LMTK3: variants seen among roughly 807,000 people sequenced by gnomAD.
LMTK3 encodes the protein serine/threonine-protein kinase LMTK3.
A neutral mutation model predicts 116.7 loss-of-function variants in LMTK3; 27 were observed. That is an observed-to-expected ratio of 0.23 (90% CI 0.17 to 0.32). The LOEUF is 0.32. Ranked by LOEUF, LMTK3 falls within the 10% of genes least tolerant of loss-of-function variation. The pLI, the probability that LMTK3 is intolerant of heterozygous loss-of-function variation, is 1.00. For missense variants in LMTK3, 1,764 were observed against 2,068.5 expected (o/e 0.85, Z 2.86); for synonymous variants, 965 against 971.0 (o/e 0.99, Z 0.11).
chr19:48,489,217 C>T (rs566235177), intron 14 of LMTK3, among the ~76,000 whole-genome samples: 2 of 152,192 alleles, frequency 1.3e-5, no homozygotes, highest in South Asian at 4.1e-4. Flanking sequence ...AGCATGGCGC[C>T]TGCACGCAGA....
intron 5 of LMTK3, among the ~76,000 whole-genome samples, chr19:48,503,382 G>A (rs995713532): frequency 7.2e-5 from 11 of 151,842 alleles, no homozygotes; most frequent in South Asian, 6.2e-4. Flanking sequence ...TCCTCACCTC[G>A]GAGTCTCTCT....
In LMTK3 at chr19:48,491,274, G is replaced by C. The variant is rs543994543; in HGVS notation, c.4229-29C>G. On this transcript the variant is annotated intron_variant, in intron 13 of 14. Transcript: ENST00000600059. This position sits in a 1 kb window ranked among gnomAD's most constrained non-coding sequence, Gnocchi z 5.1. ...CGGCAGAAGGAAAGACCGCGGTCAG[G>C]CTGCAGACACCTGCGGCACTCCCGC... 2 of 1,382,994 alleles carry C rather than the reference G, an allele frequency of 1.4e-6. No homozygotes were observed. The highest frequency in any genetic ancestry group is 1.9e-6 in the Non-Finnish European group (2 of 1,066,190). 85.7% of individuals were successfully genotyped at this position (1,382,994 alleles called of 1,614,324 possible). A position where few individuals can be genotyped will look rare whatever the true frequency, so the allele number is the denominator to read the frequency against.
In LMTK3 at chr19:48,498,699, C is replaced by T. The variant is rs756346781; in HGVS notation, c.2370G>A (p.Pro790=). ...TCTCGGTCTCGTAGCCGCTGTCCCCCGGCTTGGGGCCCGGCGACGAGAGGC... is the reference window on the plus strand; with the variant it reads ...TCTCGGTCTCGTAGCCGCTGTCCCCTGGCTTGGGGCCCGGCGACGAGAGGC... ...GSGLSSPGPK[P]GDSGYETETP... The change falls in exon 11 of 15, where the codon CCG becomes CCA. Residue 790 remains proline (P), a synonymous_variant. Coordinates refer to ENST00000600059, the MANE Select transcript of LMTK3 (RefSeq NM_001388485.1). 4.6e-6 allele frequency: 7 copies of T among 1,531,552 alleles called. No homozygotes were observed. The East Asian group carries it at 1.2e-4, about 27-fold the overall frequency. The allele number at this position is 1,531,552 out of a possible 1,614,324, so 94.9% of individuals were successfully genotyped here. A position where few individuals can be genotyped will look rare whatever the true frequency, so the allele number is the denominator to read the frequency against.
chr19:48,492,336 G>A lies in LMTK3; in HGVS notation c.4093-797C>T, dbSNP rs188574988. Among the ~76,000 whole-genome samples the A allele has an allele frequency of 2.0e-4, 30 of 152,226 alleles. 2 individuals are homozygous for A. Among genetic ancestry groups the A allele is most frequent in the Admixed American group, 1.6e-3 (25 of 15,276 alleles). On this transcript the variant is annotated intron_variant, in intron 12 of 14. Coordinates refer to ENST00000600059, the MANE Select transcript of LMTK3 (RefSeq NM_001388485.1). Reference sequence around the variant, plus strand: ...CCTAAGTAGCTGGGACTACAGATGCGCACCACCACACCAAGATAATTTTTT... The same window carrying A: ...CCTAAGTAGCTGGGACTACAGATGCACACCACCACACCAAGATAATTTTTT...
chr19:48,499,976 A>C (rs1370567369), intron 10 of LMTK3, 59 bp from the exon 11 acceptor site: 2 of 1,483,926 alleles, frequency 1.3e-6, no homozygotes, highest in African/African-American at 2.8e-5. Context: ...AAAGAGACCC[A>C]GGGAGGGGAC....
chr19:48,485,839 C>T (rs756794974), intron 14 of LMTK3, 50 bp from the exon 15 acceptor site: 1 of 1,570,450 alleles, frequency 6.4e-7, no homozygotes, highest in East Asian at 2.3e-5. Context: ...GGGGGACAGC[C>T]TCATGGCTTC....
chr19:48,491,275 C>T lies in LMTK3; in HGVS notation c.4229-30G>A. ...GGCAGAAGGAAAGACCGCGGTCAGG[C>T]TGCAGACACCTGCGGCACTCCCGCC... On this transcript the variant is annotated intron_variant, in intron 13 of 14. Transcript: ENST00000600059. This position sits in a 1 kb window ranked among gnomAD's most constrained non-coding sequence, Gnocchi z 5.1. 1 of 1,376,788 alleles carries T rather than the reference C, an allele frequency of 7.3e-7. No individual in the cohort carries two copies. The highest frequency in any genetic ancestry group is 9.4e-7 in the Non-Finnish European group (1 of 1,062,982). The allele number at this position is 1,376,788 out of a possible 1,614,324, so 85.3% of individuals were successfully genotyped here.
intron 5 of LMTK3, among the ~76,000 whole-genome samples, chr19:48,503,344 G>A (rs1972505786): frequency 6.6e-6 from 1 of 151,862 alleles, no homozygotes; most frequent in African/African-American, 2.4e-5. Context: ...CACCGCACCC[G>A]GCCCACTCTA....
At chr19:48,488,034 C>T (rs747089996) in intron 14 of LMTK3, among the ~76,000 whole-genome samples, 2 of 152,108 alleles carry the variant, frequency 1.3e-5, no homozygotes, top group Admixed American at 6.5e-5. Context: ...CCCACGCTGC[C>T]GCAGGAATAT....
At chr19:48,504,372 T>C (rs1224240971) in intron 5 of LMTK3, among the ~76,000 whole-genome samples, 1 of 152,132 alleles carries the variant, frequency 6.6e-6, no homozygotes, top group Non-Finnish European at 1.5e-5. Flanking sequence ...CCTAGGTGTG[T>C]CATCTCAGGC....
chr19:48,511,958 A>G (rs1177137297), upstream of LMTK3, among the ~76,000 whole-genome samples: 1 of 142,854 alleles, frequency 7.0e-6, no homozygotes, highest in Admixed American at 7.3e-5. Flanking sequence ...GAGCGTCGTC[A>G]TGGCAACTGG....
In LMTK3 at chr19:48,511,511, C is replaced by T. The variant is rs777419321; in HGVS notation, c.66G>A (p.Pro22=). 103 of 1,394,124 alleles carry T rather than the reference C, an allele frequency of 7.4e-5. No homozygotes were observed. The Middle Eastern group carries it at 1.4e-3, about 18-fold the overall frequency. 86.4% of individuals were successfully genotyped at this position (1,394,124 alleles called of 1,614,324 possible). The change falls in exon 1 of 15, where the codon CCG becomes CCA. Residue 22 remains proline (P), a synonymous_variant. Transcript: ENST00000600059. The part of the protein sequence containing the change: ...AVSASGCLAS[P]AHPDGFALGR... ...GCCCGACAGACTCACCGGGGTGGGCCGGGGACGCCAGGCAGCCGGAGGCGG... is the reference window on the plus strand; with the variant it reads ...GCCCGACAGACTCACCGGGGTGGGCTGGGGACGCCAGGCAGCCGGAGGCGG...
chr19:48,497,871 G>A lies in LMTK3; in HGVS notation c.3198C>T (p.Asn1066=), dbSNP rs766916333. 7.0e-7 allele frequency: 1 copy of A among 1,435,702 alleles called. No homozygotes were observed. The highest frequency in any genetic ancestry group is 1.4e-5 in the African/African-American group (1 of 69,240). 88.9% of individuals were successfully genotyped at this position (1,435,702 alleles called of 1,614,324 possible). Residue 1066 remains asparagine (N), a synonymous_variant, in exon 11 of 15, where the codon AAC becomes AAT. Transcript: ENST00000600059. The surrounding 1 kb of genome is among the most constrained non-coding windows in gnomAD (Gnocchi z 5.7). ...GGGGGCCAGGGGCTGTCTCCCCGCC[G>A]TTCCGGGAGGAGACCACTGCGCTGG... ...PAPSAVVSSR[N]GGETAPGPLG...
Position 48,497,620 on chromosome 19 carries a change from AGCGGTGGCG to A in LMTK3, c.3440_3448del (p.Pro1147_Pro1149del), listed in dbSNP as rs56410891. On this transcript the variant is annotated inframe_deletion, in exon 11 of 15. Coordinates refer to ENST00000600059, the MANE Select transcript of LMTK3 (RefSeq NM_001388485.1). The surrounding 1 kb of genome is among the most constrained non-coding windows in gnomAD (Gnocchi z 5.7). Reference sequence around the variant, plus strand: ...CGGCTGTGCCTCCGGTGGCGGTGGCAGCGGTGGCGGCGGTGGCTGCGGCCTCGTGTTGTC... The same window carrying A: ...CGGCTGTGCCTCCGGTGGCGGTGGCAGCGGTGGCTGCGGCCTCGTGTTGTC... 0.012 allele frequency: 15,117 copies of A among 1,299,918 alleles called. 125 individuals carry two copies. Among genetic ancestry groups the A allele is most frequent in the Non-Finnish European group, 0.013 (13,306 of 1,024,962 alleles). The allele number at this position is 1,299,918 out of a possible 1,614,324, so 80.5% of individuals were successfully genotyped here. A position where few individuals can be genotyped will look rare whatever the true frequency, so the allele number is the denominator to read the frequency against.
intron 11 of LMTK3, among the ~76,000 whole-genome samples, chr19:48,496,997 C>T (rs996326471): frequency 2.6e-5 from 4 of 152,214 alleles, no homozygotes; most frequent in African/African-American, 9.6e-5. Flanking sequence ...CATCCGTTTC[C>T]CTATGTCGTC....
rs748123635 is a variant in LMTK3, at chr19:48,502,865, C to T, written c.645+44G>A. 3.5e-6 allele frequency: 5 copies of T among 1,444,662 alleles called. No homozygotes were observed. The South Asian group carries it at 5.9e-5, about 17-fold the overall frequency. 89.5% of individuals were successfully genotyped at this position (1,444,662 alleles called of 1,614,324 possible). A position where few individuals can be genotyped will look rare whatever the true frequency, so the allele number is the denominator to read the frequency against. ...GCACCAGGCTTGGCCCCGGCCTTGT[C>T]CAGCTGCCCCCTCTGCCCTTCCCCA... On this transcript the variant is annotated intron_variant, in intron 6 of 14. Transcript: ENST00000600059.
At position 48,499,140 on chromosome 19, in the gene LMTK3, C is replaced by T; in HGVS notation, c.1929G>A (p.Glu643=). The change falls in exon 11 of 15, where the codon GAG becomes GAA. Residue 643 remains glutamate (E), a synonymous_variant. Coordinates refer to ENST00000600059, the MANE Select transcript of LMTK3 (RefSeq NM_001388485.1). The part of the protein sequence containing the change: ...GTAPWVEEEE[E]EEEGSSPGED... Reference sequence around the variant, plus strand: ...CCCCTGGGGAGCTGCCCTCCTCCTCCTCCTCTTCTTCTTCCACCCACGGGG... The same window carrying T: ...CCCCTGGGGAGCTGCCCTCCTCCTCTTCCTCTTCTTCTTCCACCCACGGGG... 1 of 1,547,286 alleles carries T rather than the reference C, an allele frequency of 6.5e-7. No homozygotes were observed. Among genetic ancestry groups the T allele is most frequent in the Non-Finnish European group, 8.7e-7 (1 of 1,151,148 alleles).
rs1972448660 is a variant in LMTK3, at chr19:48,500,665, G to A, written c.1151+331C>T. Among the ~76,000 whole-genome samples the A allele has an allele frequency of 6.6e-6, 1 of 152,168 alleles. No homozygotes were observed. On this transcript the variant is annotated intron_variant, in intron 10 of 14. Transcript: ENST00000600059. This position sits in a 1 kb window ranked among gnomAD's most constrained non-coding sequence, Gnocchi z 4.0. ...AGATGCCCATAGAGAGAGGCTGACG[G>A]GACCTGGAGGCAGAGGGGACACAGC...
At position 48,491,234 on chromosome 19, in the gene LMTK3, C is replaced by G. The variant is rs1198502196; in HGVS notation, c.4240G>C (p.Glu1414Gln). Residue 1414 changes from glutamate (E) to glutamine (Q), a missense_variant, in exon 14 of 15, where the codon GAG becomes CAG. By Grantham distance (29) the Glu-to-Gln change is conservative. This residue lies in a region of LMTK3 where 281 missense variants were observed against 301.4 expected (regional missense o/e 0.93). Transcript: ENST00000600059. This position sits in a 1 kb window ranked among gnomAD's most constrained non-coding sequence, Gnocchi z 5.1. ...SNDSGFGGSF[E>Q]WAEDFPLLPP... Reference sequence around the variant, plus strand: ...AGGAGGGGGAAATCCTCCGCCCACTCGAAACTGCCTCCTGCGGCAGAAGGA... The same window carrying G: ...AGGAGGGGGAAATCCTCCGCCCACTGGAAACTGCCTCCTGCGGCAGAAGGA... 7.1e-7 allele frequency: 1 copy of G among 1,407,676 alleles called. No homozygotes were observed. The highest frequency in any genetic ancestry group is 9.3e-7 in the Non-Finnish European group (1 of 1,077,800). 87.2% of individuals were successfully genotyped at this position (1,407,676 alleles called of 1,614,324 possible).
Sources: gnomAD v4.1 joint callset for allele counts (sites outside exome capture counted in the v4.1 genomes callset) on GRCh38, gnomAD v4.1.1 for gene constraint, gnomAD v4.1.1 regional missense constraint, Gnocchi (gnomAD v3.1) non-coding constraint, MANE v1.5 for transcripts, NCBI Gene and HGNC (gene_info 2026-07-23, HGNC 2026-07-21) for gene names.